Variants in CFAP221 observed in about 807,000 individuals in gnomAD.
CFAP221 encodes the protein cilia and flagella associated protein 221, also known as cilia- and flagella-associated protein 221.
CFAP221 carries 97 observed loss-of-function variants against 113.1 expected under a neutral mutation model. The observed-to-expected ratio is 0.86, with a 90% CI of 0.73 to 1.02. The LOEUF (loss-of-function observed/expected upper bound fraction) is 1.02, where lower values mean the gene tolerates loss of function less well. Ranked by LOEUF, CFAP221 falls within the 50% of genes least tolerant of loss-of-function variation. The pLI, the probability that CFAP221 is intolerant of heterozygous loss-of-function variation, is 0.00. For synonymous variants in CFAP221, 331 were observed against 354.4 expected (o/e 0.93, Z 0.74); for missense variants, 1,025 against 1,013.4 (o/e 1.01, Z -0.16).
At chr2:119,608,298 T>G (rs1315585617) in intron 11 of CFAP221, among the ~76,000 whole-genome samples, 3 of 152,254 alleles carry the variant, frequency 2.0e-5, no homozygotes, top group Non-Finnish European at 2.9e-5. Flanking sequence ...TCATAACTAT[T>G]TAAGATAAGC....
At chr2:119,651,480 C>A (rs1319308146) in intron 22 of CFAP221, among the ~76,000 whole-genome samples, 2 of 97,416 alleles carry the variant, frequency 2.1e-5, no homozygotes, top group African/African-American at 3.9e-5. Context: ...GGATAGCAGA[C>A]CACAAAAAGA....
intron 6 of CFAP221, among the ~76,000 whole-genome samples, chr2:119,577,643 C>T (rs1045287779): frequency 6.6e-6 from 1 of 152,036 alleles, no homozygotes; most frequent in Admixed American, 6.5e-5. Flanking sequence ...GTTTATGTAT[C>T]TATAAAATGA....
At chr2:119,545,390 T>TA (rs1383165751) in intron 1 of CFAP221, 3 of 152,242 alleles carry the variant, frequency 2.0e-5, no homozygotes, top group Non-Finnish European at 4.4e-5. Flanking sequence ...TAAAGAATGT[T>TA]AAAGTGTGTT....
chr2:119,604,697 A>G lies in CFAP221; in HGVS notation c.817A>G (p.Thr273Ala). ...LPLEEFERLN[T>A]LSKKVNVPPE... ...ATTAGAAGAGTTTGAAAGGTTGAAT[A>G]CCCTTTCTAAGAAAGTAAACGTTCC... Residue 273 changes from threonine (T) to alanine (A), a missense_variant, in exon 9 of 24, where the codon ACC becomes GCC. Physicochemically the swap from Thr to Ala is moderately conservative, Grantham distance 58. Transcript: ENST00000413369. The G allele has an allele frequency of 1.3e-6, 2 of 1,558,008 alleles. No individual in the cohort carries two copies. The highest frequency in any genetic ancestry group is 1.7e-6 in the Non-Finnish European group (2 of 1,158,404).
At position 119,618,330 on chromosome 2, in the gene CFAP221, CT is replaced by C. The variant is rs1183321998; in HGVS notation, c.1410+2622del. On this transcript the variant is annotated intron_variant, in intron 14 of 23. Transcript: ENST00000413369. ...GAATAGGAACAGCTCCTGTCTGCAG[CT>C]CCCAGTGAGACCAATGCAGAAGGCA... 3.3e-5 allele frequency among the ~76,000 whole-genome samples: 5 copies of C among 152,234 alleles called. No individual in the cohort carries two copies. In the South Asian group the frequency reaches 6.2e-4, roughly 19 times the overall value.
intron 3 of CFAP221, among the ~76,000 whole-genome samples, chr2:119,558,565 C>G (rs1429221445): frequency 6.6e-6 from 1 of 152,138 alleles, no homozygotes; most frequent in Non-Finnish European, 1.5e-5. Context: ...CACCTGTAAT[C>G]CCAGCACTTT....
chr2:119,617,619 A>G (rs996853930), intron 14 of CFAP221, among the ~76,000 whole-genome samples: 8 of 152,168 alleles, frequency 5.3e-5, no homozygotes, highest in South Asian at 2.1e-4. Flanking sequence ...CTATGTGCCA[A>G]TGTGTCGCCA....
intron 3 of CFAP221, among the ~76,000 whole-genome samples, chr2:119,551,460 T>G (rs1680421812): frequency 6.6e-6 from 1 of 152,216 alleles, no homozygotes; most frequent in Non-Finnish European, 1.5e-5. Flanking sequence ...TTATGTGAGG[T>G]AGGGGTTCAA....
intron 16 of CFAP221, among the ~76,000 whole-genome samples, chr2:119,628,871 G>T (rs1333473152): frequency 6.6e-6 from 1 of 152,178 alleles, no homozygotes. Flanking sequence ...ATGGGGTGAA[G>T]AGGTTGATGG....
chr2:119,608,404 T>A, intron 11 of CFAP221, 98 bp from the exon 12 acceptor site: 1 of 862,232 alleles, frequency 1.2e-6, no homozygotes, highest in East Asian at 2.5e-5. Flanking sequence ...CATCTCAGGG[T>A]TCCTTTTCAG....
At chr2:119,552,238 CTCA>C (rs2105018202) in intron 3 of CFAP221, among the ~76,000 whole-genome samples, 1 of 146,892 alleles carries the variant, frequency 6.8e-6, no homozygotes, top group East Asian at 2.0e-4. Flanking sequence ...TTTCAGCCTC[CTCA>C]TAATTTTAAT....
At chr2:119,558,796 C>T (rs946545633) in intron 3 of CFAP221, among the ~76,000 whole-genome samples, 2 of 151,922 alleles carry the variant, frequency 1.3e-5, no homozygotes, top group East Asian at 1.9e-4. Context: ...CACTGCAGCC[C>T]GAGCAACACA....
intron 6 of CFAP221, among the ~76,000 whole-genome samples, chr2:119,586,049 G>T (rs748124707): frequency 1.1e-4 from 16 of 152,266 alleles, no homozygotes; most frequent in Non-Finnish European, 2.2e-4. Flanking sequence ...TTGGCAGGGA[G>T]ACCAGAAGCT....
At chr2:119,636,563 G>C (rs773096682) in intron 19 of CFAP221, among the ~76,000 whole-genome samples, 1 of 152,194 alleles carries the variant, frequency 6.6e-6, no homozygotes, top group Non-Finnish European at 1.5e-5. Flanking sequence ...TAATGAGTCA[G>C]TAGATACTGC....
intron 6 of CFAP221, among the ~76,000 whole-genome samples, chr2:119,579,065 TTTA>T (rs1419578999): frequency 6.6e-6 from 1 of 152,166 alleles, no homozygotes; most frequent in Non-Finnish European, 1.5e-5. Context: ...TGAGTTCAAT[TTTA>T]TTCAAATAAG....
chr2:119,570,110 A>G (rs571944269), intron 6 of CFAP221, among the ~76,000 whole-genome samples: 7 of 152,200 alleles, frequency 4.6e-5, no homozygotes, highest in African/African-American at 7.2e-5. Flanking sequence ...GCAGACTTTT[A>G]TAATGTGTTG....
chr2:119,622,106 AGATAGACTGCCAGCC>A (rs1685965962), intron 14 of CFAP221, among the ~76,000 whole-genome samples: 1 of 152,180 alleles, frequency 6.6e-6, no homozygotes, highest in Non-Finnish European at 1.5e-5. Flanking sequence ...TTAACAAAAT[AGATAGACTGCCAGCC>A]GGACTAATAT....
At chr2:119,569,096 G>GA (rs1418889711) in intron 6 of CFAP221, among the ~76,000 whole-genome samples, 1 of 144,954 alleles carries the variant, frequency 6.9e-6, no homozygotes, top group African/African-American at 2.6e-5. Context: ...TCTCTACTGG[G>GA]AAATTTTTTT....
chr2:119,546,079 C>A lies in CFAP221; in HGVS notation c.-47-6C>A. On this transcript the variant is annotated splice_polypyrimidine_tract_variant and splice_region_variant and intron_variant, in intron 1 of 23. Coordinates refer to ENST00000413369, the MANE Select transcript of CFAP221 (RefSeq NM_001271049.2). ...GATGATTATACTGCTGCTCTTTCCT[C>A]CCCAGGACATGACCTTTGGCTCTAA... The A allele has an allele frequency of 6.7e-7, 1 of 1,490,872 alleles. No individual in the cohort carries two copies. 92.4% of individuals were successfully genotyped at this position (1,490,872 alleles called of 1,614,324 possible). A position where few individuals can be genotyped will look rare whatever the true frequency, so the allele number is the denominator to read the frequency against.
Sources: gnomAD v4.1 joint callset for allele counts (sites outside exome capture counted in the v4.1 genomes callset) on GRCh38, gnomAD v4.1.1 for gene constraint, MANE v1.5 for transcripts, NCBI Gene and HGNC (gene_info 2026-07-23, HGNC 2026-07-21) for gene names.